The following MYT1L variants were observed in gnomAD, a reference collection of about 807,000 sequenced individuals.
The protein encoded by MYT1L is myelin transcription factor 1 like.
MYT1L carries 12 observed loss-of-function variants against 126.7 expected under a neutral mutation model. The ratio of observed to expected loss-of-function variants is 0.09; its 90% CI spans 0.06 to 0.15. The LOEUF is 0.15. Among genes scored for constraint, MYT1L ranks in the 10% least tolerant of loss-of-function variants. The probability of loss-of-function intolerance (pLI) is 1.00; values close to 1 mark genes in which losing one functional copy is unlikely to be tolerated. For synonymous variants in MYT1L, 541 were observed against 604.2 expected (o/e 0.90, Z 1.53); for missense variants, 979 against 1,585.2 (o/e 0.62, Z 6.49).
At chr2:2,292,204 G>A (rs1048339591) in intron 1 of MYT1L, among the ~76,000 whole-genome samples, 3 of 152,326 alleles carry the variant, frequency 2.0e-5, no homozygotes, top group African/African-American at 7.2e-5. Flanking sequence ...GGGCGCAGGG[G>A]CCTGCAGCTC....
intron 4 of MYT1L, among the ~76,000 whole-genome samples, chr2:2,027,483 G>A (rs1574634497): frequency 6.6e-6 from 1 of 152,326 alleles, no homozygotes; most frequent in East Asian, 1.9e-4. Context: ...TGGGGATGAT[G>A]TACTGACCGG....
intron 2 of MYT1L, among the ~76,000 whole-genome samples, chr2:2,270,958 T>G (rs767356944): frequency 1.3e-5 from 2 of 152,192 alleles, no homozygotes; most frequent in Non-Finnish European, 2.9e-5. Flanking sequence ...TATGTCAGAA[T>G]GTACAAACTC....
At chr2:1,956,587 T>G (rs1319864228) in intron 8 of MYT1L, among the ~76,000 whole-genome samples, 1 of 147,624 alleles carries the variant, frequency 6.8e-6, no homozygotes, top group Admixed American at 6.8e-5. Context: ...TATCTATCTA[T>G]CTATCTATCT....
At chr2:2,301,406 G>A (rs1407495577) in intron 1 of MYT1L, among the ~76,000 whole-genome samples, 2 of 152,150 alleles carry the variant, frequency 1.3e-5, no homozygotes, top group African/African-American at 4.8e-5. Context: ...TTATTAGAAA[G>A]CATTCAACTC....
intron 3 of MYT1L, among the ~76,000 whole-genome samples, chr2:2,140,395 T>A (rs1266722028): frequency 6.6e-6 from 1 of 151,784 alleles, no homozygotes; most frequent in Non-Finnish European, 1.5e-5. Flanking sequence ...TTTTGCAAGA[T>A]AATGGATCAA....
At chr2:2,041,912 G>T (rs557937422) in intron 4 of MYT1L, among the ~76,000 whole-genome samples, 3 of 152,130 alleles carry the variant, frequency 2.0e-5, no homozygotes, top group Non-Finnish European at 2.9e-5. Context: ...ACAAATCTAA[G>T]TCCCATAAAG....
In MYT1L at chr2:1,887,768, C is replaced by A. The variant is rs2048339441; in HGVS notation, c.2521-159G>T. On this transcript the variant is annotated intron_variant, in intron 16 of 24. Coordinates refer to ENST00000647738, the MANE Select transcript of MYT1L (RefSeq NM_001303052.2). The surrounding 1 kb of genome is among the most constrained non-coding windows in gnomAD (Gnocchi z 4.8). ...CCTGATAACGCCCCTACTGAAAATG[C>A]ATATTGAACTTTTCTTCCACTGCTC... Among the ~76,000 whole-genome samples, 1 of 152,200 alleles carries A rather than the reference C, an allele frequency of 6.6e-6. No individual in the cohort carries two copies. Among genetic ancestry groups the A allele is most frequent in the South Asian group, 2.1e-4 (1 of 4,828 alleles).
At chr2:2,290,172 T>C (rs1163547100) in intron 1 of MYT1L, among the ~76,000 whole-genome samples, 1 of 152,188 alleles carries the variant, frequency 6.6e-6, no homozygotes, top group Admixed American at 6.5e-5. Flanking sequence ...GATTGAGGTC[T>C]AGAACCTTGT....
At chr2:1,949,600 T>A (rs1453877474) in intron 8 of MYT1L, among the ~76,000 whole-genome samples, 1 of 152,240 alleles carries the variant, frequency 6.6e-6, no homozygotes, top group African/African-American at 2.4e-5. Context: ...TTCCATGTCA[T>A]GTATAAAGGT....
chr2:2,016,214 C>A (rs539828854), intron 4 of MYT1L, among the ~76,000 whole-genome samples: 1 of 152,274 alleles, frequency 6.6e-6, no homozygotes, highest in South Asian at 2.1e-4. Flanking sequence ...CTTAGATGCC[C>A]AGGCAGGGAT....
intron 2 of MYT1L, among the ~76,000 whole-genome samples, chr2:2,261,022 G>A (rs1047806481): frequency 1.3e-5 from 2 of 152,144 alleles, no homozygotes; most frequent in South Asian, 4.1e-4. Flanking sequence ...CAGAGATTGA[G>A]CACCAACAAA....
chr2:1,890,433 T>C (rs2048715033), intron 15 of MYT1L, among the ~76,000 whole-genome samples: 1 of 152,110 alleles, frequency 6.6e-6, no homozygotes, highest in South Asian at 2.1e-4. Flanking sequence ...TCTGCAGTTG[T>C]AGCTAAAAAT....
intron 3 of MYT1L, among the ~76,000 whole-genome samples, chr2:2,160,941 G>A (rs2087780451): frequency 6.6e-6 from 1 of 152,120 alleles, no homozygotes; most frequent in Non-Finnish European, 1.5e-5. Flanking sequence ...ACTGGGCCAG[G>A]CACAGTGGCT....
At chr2:1,920,051 A>T (rs778114678) in intron 10 of MYT1L, among the ~76,000 whole-genome samples, 7 of 152,194 alleles carry the variant, frequency 4.6e-5, no homozygotes, top group Non-Finnish European at 1.0e-4. Flanking sequence ...AACTACAGAC[A>T]TCTCGAAGGA....
intron 2 of MYT1L, among the ~76,000 whole-genome samples, chr2:2,196,253 G>A (rs7607185): frequency 0.17 from 26,301 of 150,396 alleles, 2,449 homozygotes; most frequent in African/African-American, 0.26. Context: ...CTATGTGGGT[G>A]AAAAAAAAAT....
intron 1 of MYT1L, among the ~76,000 whole-genome samples, chr2:2,293,656 C>A (rs551705902): frequency 2.6e-5 from 4 of 152,180 alleles, no homozygotes; most frequent in African/African-American, 9.7e-5. Flanking sequence ...CCCTTAGGTG[C>A]GCAGGGCCAA....
At chr2:1,812,054 C>T (rs2036746687) in intron 21 of MYT1L, among the ~76,000 whole-genome samples, 1 of 152,238 alleles carries the variant, frequency 6.6e-6, no homozygotes, top group Admixed American at 6.5e-5. Context: ...TTTCCCCTTC[C>T]TGCCACTGGA....
At chr2:2,162,302 G>T (rs528283281) in intron 3 of MYT1L, among the ~76,000 whole-genome samples, 1 of 151,430 alleles carries the variant, frequency 6.6e-6, no homozygotes, top group African/African-American at 2.4e-5. Flanking sequence ...TGGGGTCCAC[G>T]GAGAAAGGGG....
At chr2:2,052,959 C>T (rs114356841) in intron 4 of MYT1L, among the ~76,000 whole-genome samples, 4,968 of 152,264 alleles carry the variant, frequency 0.033, 135 homozygotes, top group Non-Finnish European at 0.05. Context: ...AATGTGAAAT[C>T]AGGGACTCAG....
Sources: allele counts gnomAD v4.1 joint callset (sites outside exome capture counted in the v4.1 genomes callset), GRCh38; gene constraint gnomAD v4.1.1; non-coding constraint Gnocchi (gnomAD v3.1); transcripts MANE v1.5; gene names NCBI Gene and HGNC (gene_info 2026-07-23, HGNC 2026-07-21).